ZNF155: variants seen among roughly 807,000 people sequenced by gnomAD.
ZNF155 encodes KRAB A domain.
In ZNF155, 15 loss-of-function variants were observed where a neutral mutation model predicts 11.9. The observed-to-expected ratio is 1.26, with a 90% CI of 0.84 to 1.94. The LOEUF (loss-of-function observed/expected upper bound fraction) is 1.94, where lower values mean the gene tolerates loss of function less well. Ranked by LOEUF, ZNF155 falls within the 30% of genes most tolerant of loss-of-function variation. The pLI is 0.00. For missense variants in ZNF155, 602 were observed against 639.1 expected, an observed-to-expected ratio of 0.94 and a Z score of 0.63; for synonymous variants, 212 against 219.9, an observed-to-expected ratio of 0.96 and a Z score of 0.32.
intron 4 of ZNF155, among the ~76,000 whole-genome samples, chr19:43,993,875 CAA>C (rs1372050913): frequency 6.6e-6 from 1 of 152,130 alleles, no homozygotes; most frequent in African/African-American, 2.4e-5. Flanking sequence ...ATTATCCTGA[CAA>C]AGTTTTGAAT....
Position 43,997,215 on chromosome 19 carries a change from A to G in ZNF155, c.1358A>G (p.Glu453Gly), listed in dbSNP as rs928342511. 2.5e-6 allele frequency: 4 copies of G among 1,614,192 alleles called. No individual in the cohort carries two copies. The Admixed American group carries it at 6.7e-5, about 27-fold the overall frequency. ...TTGCACCAGAGGGTCCACACGGGAG[A>G]GAGACCTTATAATTGTAAGGAATGT... ...LDLHQRVHTG[E>G]RPYNCKECGK... is the part of the protein sequence containing the mutation. Residue 453 changes from glutamate (E) to glycine (G), a missense_variant, in exon 5 of 5, where the codon GAG becomes GGG. Transcript: ENST00000270014.
At chr19:43,994,377 TGTGTACATAGAAACACTATGAA>T (rs1975762672) in intron 4 of ZNF155, among the ~76,000 whole-genome samples, 1 of 152,226 alleles carries the variant, frequency 6.6e-6, no homozygotes, top group Admixed American at 6.5e-5. Flanking sequence ...ATACTTTGAA[TGTGTACATAGAAACACTATGAA>T]GTGTTTGATG....
Position 43,985,103 on chromosome 19 carries a change from G to A in ZNF155, c.-86+858G>A, listed in dbSNP as rs867416129. On this transcript the variant is annotated intron_variant, in intron 1 of 4. Transcript: ENST00000270014. ...AGAATGAGGTTTGCTCTGTCTCCCA[G>A]GCTGGAGTGCAGCAGTGGCGCGATC... Among the ~76,000 whole-genome samples the A allele has an allele frequency of 1.1e-4, 17 of 152,254 alleles. No individual in the cohort carries two copies. In the Middle Eastern group the frequency reaches 0.01, roughly 91 times the overall value.
Position 43,997,032 on chromosome 19 carries a change from G to C in ZNF155, c.1175G>C (p.Arg392Pro). The stretch of plus-strand genomic sequence containing the variant: ...TCCTCATGCCTTTTGAACCATCAGC[G>C]AGTCCACAGTGGAGAAAAAAGCTTC... ...RWSSCLLNHQ[R>P]VHSGEKSFKC... The change falls in exon 5 of 5, where the codon CGA (arginine) becomes CCA (proline). Residue 392 changes from arginine (R) to proline (P), a missense_variant. Arg to Pro is a moderately radical substitution (Grantham distance 103, BLOSUM62 -2). Transcript: ENST00000270014. The C allele has an allele frequency of 6.2e-7, 1 of 1,614,176 alleles. No individual in the cohort carries two copies. The highest frequency in any genetic ancestry group is 8.5e-7 in the Non-Finnish European group (1 of 1,180,032).
intron 4 of ZNF155, among the ~76,000 whole-genome samples, chr19:43,993,600 G>C (rs1414907399): frequency 1.3e-5 from 2 of 152,214 alleles, no homozygotes; most frequent in East Asian, 3.9e-4. Context: ...TTTTAGTAGA[G>C]ATGGGGTTTC....
In ZNF155 at chr19:43,994,678, C is replaced by T. The variant is rs189500916; in HGVS notation, c.236-1415C>T. ...AAATGCGGACCTTCTATTGTATTCT[C>T]CTGGCAGAGTAGGATGTGTTACATT... On this transcript the variant is annotated intron_variant, in intron 4 of 4. Coordinates refer to ENST00000270014, the MANE Select transcript of ZNF155 (RefSeq NM_198089.3). 1.8e-4 allele frequency among the ~76,000 whole-genome samples: 27 copies of T among 152,294 alleles called. 1 individual carries two copies. The highest frequency in any genetic ancestry group is 2.6e-4 in the Admixed American group (4 of 15,296).
chr19:43,991,848 A>G lies in ZNF155; in HGVS notation c.149A>G (p.Gln50Arg), dbSNP rs781448076. Residue 50 changes from glutamine to arginine, a missense_variant, in exon 4 of 5, where the codon CAA (glutamine) becomes CGA (arginine). Transcript: ENST00000270014. Reference protein sequence around the residue: ...NFRNLLSVGHQPFHQDTCHFL... With the variant: ...NFRNLLSVGHRPFHQDTCHFL... Reference sequence around the variant, plus strand: ...TGACCTTACCTATTCACAGGGCATCAACCGTTCCACCAAGATACTTGCCAC... The same window carrying G: ...TGACCTTACCTATTCACAGGGCATCGACCGTTCCACCAAGATACTTGCCAC... 3.7e-6 allele frequency: 6 copies of G among 1,613,814 alleles called. No homozygotes were observed. The highest frequency in any genetic ancestry group is 3.3e-5 in the South Asian group (3 of 91,050).
chr19:43,995,880 TAA>T (rs1320076376), intron 4 of ZNF155, among the ~76,000 whole-genome samples: 1 of 152,228 alleles, frequency 6.6e-6, no homozygotes, highest in Non-Finnish European at 1.5e-5. Context: ...ATTTTTAAAT[TAA>T]GTCTATTATT....
At chr19:43,991,080 A>T (rs1448854932) in intron 2 of ZNF155, among the ~76,000 whole-genome samples, 1 of 152,212 alleles carries the variant, frequency 6.6e-6, no homozygotes, top group Non-Finnish European at 1.5e-5. Context: ...AGAAAGAATG[A>T]TTCAAGGCCA....
intron 1 of ZNF155, among the ~76,000 whole-genome samples, chr19:43,987,924 C>T (rs1216345662): frequency 6.6e-6 from 1 of 152,114 alleles, no homozygotes; most frequent in Non-Finnish European, 1.5e-5. Flanking sequence ...GTGGTTTTGC[C>T]ATCATCATGA....
rs150596866 is a variant in ZNF155 at position 43,997,091 on chromosome 19, A to G, written c.1234A>G (p.Asn412Asp). The change falls in exon 5 of 5, where the codon AAT (asparagine) becomes GAT (aspartate). Residue 412 changes from asparagine to aspartate, a missense_variant. Physicochemically the swap from Asn to Asp is conservative, Grantham distance 23. Coordinates refer to ENST00000270014, the MANE Select transcript of ZNF155 (RefSeq NM_198089.3). ...AGAATGTGGAAAGGGATTTTATACA[A>G]ATTCACAACTGTCTTCCCATCAGAG... ...CEECGKGFYTNSQLSSHQRSH... is the reference protein window; with the variant it reads ...CEECGKGFYTDSQLSSHQRSH... 1.7e-3 allele frequency: 2,753 copies of G among 1,613,542 alleles called. 14 individuals are homozygous for G. The highest frequency in any genetic ancestry group is 2.5e-3 in the Middle Eastern group (15 of 6,062).
rs1599847670 is a variant in ZNF155, at chr19:43,997,989, G to C, written c.*515G>C. 6.5e-6 allele frequency: 1 copy of C among 153,444 alleles called. No homozygotes were observed. Among genetic ancestry groups the C allele is most frequent in the South Asian group, 2.0e-4 (1 of 4,894 alleles). 9.5% of individuals were successfully genotyped at this position (153,444 alleles called of 1,614,324 possible). On this transcript the variant is annotated 3_prime_UTR_variant, in exon 5 of 5. Coordinates refer to ENST00000270014, the MANE Select transcript of ZNF155 (RefSeq NM_198089.3). Reference sequence around the variant, plus strand: ...CACTTTCTTTTGTGGAAAAGGAAAAGCCCAGCCTCTGTAAATCATCACTTC... The same window carrying C: ...CACTTTCTTTTGTGGAAAAGGAAAACCCCAGCCTCTGTAAATCATCACTTC...
In ZNF155 at chr19:43,991,840, A is replaced by G. The variant is rs1568488994; in HGVS notation, c.143-2A>G. On this transcript the variant is annotated splice_acceptor_variant, in intron 3 of 4. Coordinates refer to ENST00000270014, the MANE Select transcript of ZNF155 (RefSeq NM_198089.3). LOFTEE classifies it high-confidence loss of function. ...TCAGCACGTGACCTTACCTATTCAC[A>G]GGGCATCAACCGTTCCACCAAGATA... 10 of 1,613,170 alleles carry G rather than the reference A, an allele frequency of 6.2e-6. No homozygotes were observed. The highest frequency in any genetic ancestry group is 8.5e-6 in the Non-Finnish European group (10 of 1,179,428).
Position 43,997,472 on chromosome 19 carries a change from T to C in ZNF155, c.1615T>C (p.Ter539GlnextTer12). The part of the protein sequence containing the change: ...ILLSLFLNDT[*>Q] ...TTTATCATTATTTCTAAATGACACA[T>C]AATTGTTCATATTTATGGGGTACAA... The change falls in exon 5 of 5, where the codon TAA becomes CAA. Residue 539 changes from the stop codon to glutamine (Q), a stop_lost. Transcript: ENST00000270014. The C allele has an allele frequency of 6.3e-7, 1 of 1,590,944 alleles. No individual in the cohort carries two copies. The highest frequency in any genetic ancestry group is 8.5e-7 in the Non-Finnish European group (1 of 1,171,602).
chr19:43,985,829 C>T (rs1176762703), intron 1 of ZNF155, among the ~76,000 whole-genome samples: 1 of 152,180 alleles, frequency 6.6e-6, no homozygotes, highest in Non-Finnish European at 1.5e-5. Context: ...CGTGAGCCAC[C>T]GCGCCCGGTC....
At position 43,991,528 on chromosome 19, in the gene ZNF155, A is replaced by G. The variant is rs1419675092; in HGVS notation, c.16-20A>G. On this transcript the variant is annotated intron_variant, in intron 2 of 4. Coordinates refer to ENST00000270014, the MANE Select transcript of ZNF155 (RefSeq NM_198089.3). The stretch of plus-strand genomic sequence containing the variant: ...AGTCCTTGGTCATAAGATTGAAGTT[A>G]TGTCTTCTTGATGTTGTAGGAGGCA... The G allele has an allele frequency of 6.2e-7, 1 of 1,613,938 alleles. No homozygotes were observed. The highest frequency in any genetic ancestry group is 2.2e-5 in the East Asian group (1 of 44,868).
intron 4 of ZNF155, among the ~76,000 whole-genome samples, chr19:43,995,251 ACAGGCATGTGCCAC>A (rs1975799687): frequency 6.6e-6 from 1 of 152,054 alleles, no homozygotes; most frequent in African/African-American, 2.4e-5. Flanking sequence ...AGCTGGGACT[ACAGGCATGTGCCAC>A]CACACGTGGC....
chr19:43,995,580 T>G (rs1599844440), intron 4 of ZNF155, among the ~76,000 whole-genome samples: 1 of 151,904 alleles, frequency 6.6e-6, no homozygotes, highest in South Asian at 2.1e-4. Flanking sequence ...GACAGGGTTT[T>G]GCTATATTGC....
Position 43,996,211 on chromosome 19 carries a change from C to A in ZNF155, c.354C>A (p.Ile118=). The A allele has an allele frequency of 1.9e-6, 3 of 1,614,218 alleles. No individual in the cohort carries two copies. Among genetic ancestry groups the A allele is most frequent in the Non-Finnish European group, 2.5e-6 (3 of 1,180,032 alleles). Residue 118 remains isoleucine, a synonymous_variant, in exon 5 of 5, where the codon ATC becomes ATA. Transcript: ENST00000270014. ...ACTTAACCAGGTCTCAGGACTCTAT[C>A]ATAAATAACTCTCAGTTCTTTGAAA... The part of the protein sequence containing the change: ...AKDLTRSQDS[I]INNSQFFENG...
Sources: allele counts gnomAD v4.1 joint callset (sites outside exome capture counted in the v4.1 genomes callset), GRCh38; gene constraint gnomAD v4.1.1; transcripts MANE v1.5; gene names NCBI Gene and HGNC (gene_info 2026-07-23, HGNC 2026-07-21).